The following OSBPL6 variants were observed in gnomAD, a reference collection of about 807,000 sequenced individuals.
OSBPL6 encodes oxysterol-binding protein-related protein 6.
In OSBPL6, 49 loss-of-function variants were observed where a neutral mutation model predicts 125.8. The observed-to-expected ratio is 0.39, with a 90% CI of 0.31 to 0.49. The LOEUF (loss-of-function observed/expected upper bound fraction) is 0.49. Ranked by LOEUF, OSBPL6 falls within the 20% of genes least tolerant of loss-of-function variation. The pLI is 0.88. For missense variants in OSBPL6, 986 were observed against 1,135.4 expected (o/e 0.87, Z 1.89); for synonymous variants, 394 against 391.8 (o/e 1.01, Z -0.07).
In OSBPL6 at chr2:178,395,905, C is replaced by A; in HGVS notation, c.*346C>A. 2.5e-6 allele frequency: 1 copy of A among 403,790 alleles called. No homozygotes were observed. Among genetic ancestry groups the A allele is most frequent in the Non-Finnish European group, 4.7e-6 (1 of 210,558 alleles). The allele number at this position is 403,790 out of a possible 1,614,324, so 25.0% of individuals were successfully genotyped here. ...ATGGTAACTGGTGCTTAAAGCTGAT[C>A]AAGAAAGTTAACAACAACATAGAAA... On this transcript the variant is annotated 3_prime_UTR_variant, in exon 25 of 25. Coordinates refer to ENST00000190611, the MANE Select transcript of OSBPL6 (RefSeq NM_032523.4).
rs749224530 is a variant in OSBPL6 at position 178,344,332 on chromosome 2, A to G, written c.987+4568A>G. 1.2e-6 allele frequency: 2 copies of G among 1,614,160 alleles called. No individual in the cohort carries two copies. The highest frequency in any genetic ancestry group is 2.2e-5 in the East Asian group (1 of 44,870). On this transcript the variant is annotated intron_variant, in intron 11 of 24. Coordinates refer to ENST00000190611, the MANE Select transcript of OSBPL6 (RefSeq NM_032523.4). ...CAGTTCAGCACAACTCGGCGCCGGC[A>G]GAGGCTAGCGGCAGCAGTGGCTACA...
At chr2:178,382,148 A>T (rs1417045543) in intron 15 of OSBPL6, among the ~76,000 whole-genome samples, 1 of 152,180 alleles carries the variant, frequency 6.6e-6, no homozygotes, top group Non-Finnish European at 1.5e-5. Context: ...TTCTTAGTGT[A>T]TTATATTAAA....
At chr2:178,373,810 T>C in intron 14 of OSBPL6, 80 bp from the exon 15 acceptor site, 1 of 1,541,042 alleles carries the variant, frequency 6.5e-7, no homozygotes, top group South Asian at 1.2e-5. Flanking sequence ...TATTAAAGAG[T>C]AGAAATCTGG....
At chr2:178,295,507 C>T (rs1027000382) in intron 2 of OSBPL6, among the ~76,000 whole-genome samples, 32 of 152,206 alleles carry the variant, frequency 2.1e-4, no homozygotes, top group Admixed American at 1.5e-3. Context: ...TGGTTCACAA[C>T]GCCTGAAATA....
chr2:178,249,486 T>C (rs1161098107), intron 1 of OSBPL6, among the ~76,000 whole-genome samples: 1 of 152,216 alleles, frequency 6.6e-6, no homozygotes, highest in Non-Finnish European at 1.5e-5. Context: ...AATGTGACTT[T>C]GTATATATCT....
chr2:178,298,487 G>A (rs1036816427), intron 2 of OSBPL6, among the ~76,000 whole-genome samples: 3 of 152,062 alleles, frequency 2.0e-5, no homozygotes, highest in Non-Finnish European at 2.9e-5. Context: ...GCAGTGGCAC[G>A]AGCTCAGCTC....
intron 23 of OSBPL6, among the ~76,000 whole-genome samples, chr2:178,392,821 A>G (rs181326979): frequency 2.0e-5 from 3 of 149,718 alleles, no homozygotes; most frequent in Admixed American, 6.7e-5. Context: ...TGATTGTACC[A>G]TTGTACTCCA....
At position 178,312,061 on chromosome 2, in the gene OSBPL6, AG is replaced by A. The variant is rs59290299; in HGVS notation, c.102+5776del. On this transcript the variant is annotated intron_variant, in intron 3 of 24. Transcript: ENST00000190611. ...CAGTGGTGCCATCTCAGCTCACTGG[AG>A]CCTTTGCCACCTGGGCTCAAGTGAT... Among the ~76,000 whole-genome samples the A allele has an allele frequency of 7.6e-3, 1,149 of 151,882 alleles. 14 individuals are homozygous for A. Among genetic ancestry groups the A allele is most frequent in the African/African-American group, 0.027 (1,101 of 41,404 alleles).
At chr2:178,332,775 T>C in intron 7 of OSBPL6, 21 bp downstream of exon 7, 7 of 1,612,418 alleles carry the variant, frequency 4.3e-6, no homozygotes, top group Non-Finnish European at 5.9e-6. Flanking sequence ...TTTTCAACAG[T>C]TTCTCTGCCA....
At position 178,402,791 on chromosome 2, in the gene OSBPL6, T is replaced by C. The variant is rs1390711503; in HGVS notation, c.*7232T>C. The stretch of plus-strand genomic sequence containing the variant: ...TTCACTGAAAAATTTGTCTAATCTG[T>C]GCCACCTCAAAATAAGAATTGTGCC... On this transcript the variant is annotated 3_prime_UTR_variant, in exon 25 of 25. Transcript: ENST00000190611. The C allele has an allele frequency of 6.6e-6, 1 of 152,226 alleles. No homozygotes were observed. The highest frequency in any genetic ancestry group is 1.5e-5 in the Non-Finnish European group (1 of 68,032). The allele number at this position is 152,226 out of a possible 1,614,324, so 9.4% of individuals were successfully genotyped here.
intron 1 of OSBPL6, among the ~76,000 whole-genome samples, chr2:178,203,843 C>G (rs574712353): frequency 2.6e-5 from 4 of 152,190 alleles, no homozygotes; most frequent in South Asian, 2.1e-4. Context: ...GTGTACTGTA[C>G]CCAATGTCCG....
chr2:178,395,525 G>A lies in OSBPL6; in HGVS notation c.2771G>A (p.Gly924Glu), dbSNP rs1695785222. Residue 924 changes from glycine (G) to glutamate (E), a missense_variant, in exon 25 of 25, where the codon GGG becomes GAG. Transcript: ENST00000190611. ...TACTGGGAGCTTCGAAAGGACCCTGGGTTTAGCAAAGTAGACAGCCCTGTT... is the reference window on the plus strand; with the variant it reads ...TACTGGGAGCTTCGAAAGGACCCTGAGTTTAGCAAAGTAGACAGCCCTGTT... ...DTYWELRKDP[G>E]FSKVDSPVLW 1 of 1,613,578 alleles carries A rather than the reference G, an allele frequency of 6.2e-7. No homozygotes were observed. The highest frequency in any genetic ancestry group is 1.3e-5 in the African/African-American group (1 of 74,850).
intron 15 of OSBPL6, among the ~76,000 whole-genome samples, chr2:178,375,702 C>T (rs1693812961): frequency 1.3e-5 from 2 of 152,172 alleles, no homozygotes; most frequent in South Asian, 4.1e-4. Flanking sequence ...GGATTACAGG[C>T]ATGAGCCACT....
chr2:178,295,684 A>G (rs1266471041), intron 2 of OSBPL6, among the ~76,000 whole-genome samples: 2 of 152,166 alleles, frequency 1.3e-5, no homozygotes, highest in Non-Finnish European at 2.9e-5. Context: ...CTGTGGGCTC[A>G]TGATAGAGCT....
At chr2:178,202,832 A>G (rs1457537544) in intron 1 of OSBPL6, among the ~76,000 whole-genome samples, 14 of 151,580 alleles carry the variant, frequency 9.2e-5, no homozygotes, top group South Asian at 2.1e-4. Context: ...AAAAAAAAAA[A>G]AAAGAAAGAA....
At chr2:178,233,475 G>A (rs544487932) in intron 1 of OSBPL6, among the ~76,000 whole-genome samples, 1 of 152,246 alleles carries the variant, frequency 6.6e-6, no homozygotes, top group South Asian at 2.1e-4. Context: ...TGGCAGTTCT[G>A]CTTTCAATGC....
At chr2:178,359,424 A>T (rs886298621) in intron 12 of OSBPL6, among the ~76,000 whole-genome samples, 3 of 152,158 alleles carry the variant, frequency 2.0e-5, no homozygotes, top group African/African-American at 7.2e-5. Flanking sequence ...GTGTGGAGAA[A>T]ATGAAACCTT....
At chr2:178,229,797 A>G (rs1025355982) in intron 1 of OSBPL6, among the ~76,000 whole-genome samples, 1 of 152,184 alleles carries the variant, frequency 6.6e-6, no homozygotes, top group African/African-American at 2.4e-5. Context: ...GCACTACTGC[A>G]CTCCAGCCTA....
intron 6 of OSBPL6, among the ~76,000 whole-genome samples, chr2:178,331,881 C>G (rs1440591808): frequency 6.6e-6 from 1 of 152,172 alleles, no homozygotes; most frequent in East Asian, 1.9e-4. Context: ...ATAGAAAACG[C>G]AAATGGGCTT....
Sources: gnomAD v4.1 joint callset for allele counts (sites outside exome capture counted in the v4.1 genomes callset) on GRCh38, gnomAD v4.1.1 for gene constraint, MANE v1.5 for transcripts, NCBI Gene and HGNC (gene_info 2026-07-23, HGNC 2026-07-21) for gene names.